The following FBXO34 variants were observed in gnomAD, a reference collection of about 807,000 sequenced individuals.
The protein encoded by FBXO34 is F-box protein 34, also known as F-box only protein 34.
FBXO34 carries 12 observed loss-of-function variants against 24.5 expected under a neutral mutation model. The ratio of observed to expected loss-of-function variants is 0.49; its 90% CI spans 0.31 to 0.79. The LOEUF is 0.79. Among genes scored for constraint, FBXO34 ranks in the 30% least tolerant of loss-of-function variants. The pLI is 0.04. For missense variants in FBXO34, 823 were observed against 857.7 expected, an observed-to-expected ratio of 0.96 and a Z score of 0.51; for synonymous variants, 320 against 311.9, an observed-to-expected ratio of 1.03 and a Z score of -0.27.
rs1884452889 is a variant in FBXO34 at position 55,353,209 on chromosome 14, T to C, written c.*683T>C. On this transcript the variant is annotated 3_prime_UTR_variant, in exon 2 of 2. Transcript: ENST00000313833. ...ACGATTAAAATCCAGTTGTATATAA[T>C]GGACAGCTAACGGAACAATATAATC... 6.0e-6 allele frequency: 1 copy of C among 167,024 alleles called. No individual in the cohort carries two copies. The highest frequency in any genetic ancestry group is 1.5e-5 in the Non-Finnish European group (1 of 68,102). The allele number at this position is 167,024 out of a possible 1,614,324, so 10.3% of individuals were successfully genotyped here. A position where few individuals can be genotyped will look rare whatever the true frequency, so the allele number is the denominator to read the frequency against.
chr14:55,300,349 T>TG (rs1882306825), intron 1 of FBXO34, among the ~76,000 whole-genome samples: 1 of 152,238 alleles, frequency 6.6e-6, no homozygotes, highest in East Asian at 1.9e-4. Flanking sequence ...TCCCAGCACT[T>TG]TAGGAGGCTG....
the FBXO34 span, among the ~76,000 whole-genome samples, chr14:55,406,830 T>G: frequency 6.6e-6 from 1 of 152,212 alleles, no homozygotes; most frequent in African/African-American, 2.4e-5. Context: ...ACCCTAAAAT[T>G]TCTTTTTTAT....
the FBXO34 span, among the ~76,000 whole-genome samples, chr14:55,426,908 G>A: frequency 6.6e-6 from 1 of 151,914 alleles, no homozygotes. Flanking sequence ...GAAGATGCTG[G>A]TGAAAAAGAA....
the FBXO34 span, among the ~76,000 whole-genome samples, chr14:55,401,616 T>C: frequency 6.6e-6 from 1 of 152,224 alleles, no homozygotes; most frequent in African/African-American, 2.4e-5. Context: ...CTTTGTTGTT[T>C]CATAAATTCT....
chr14:55,394,095 C>A, the FBXO34 span, among the ~76,000 whole-genome samples: 1 of 149,382 alleles, frequency 6.7e-6, no homozygotes, highest in South Asian at 2.1e-4. Flanking sequence ...TGATCTCTGT[C>A]TCCTGGGTTC....
chr14:55,359,648 T>G (rs956922513), intron 3 of FBXO34, among the ~76,000 whole-genome samples: 1 of 152,204 alleles, frequency 6.6e-6, no homozygotes, highest in Non-Finnish European at 1.5e-5. Flanking sequence ...CAATGAAGTT[T>G]GCTGTATCGA....
chr14:55,301,094 C>A (rs1882337631), intron 1 of FBXO34, among the ~76,000 whole-genome samples: 2 of 152,154 alleles, frequency 1.3e-5, no homozygotes, highest in East Asian at 3.9e-4. Context: ...CAGTGGACTA[C>A]TTTTCATAGA....
downstream of FBXO34, among the ~76,000 whole-genome samples, chr14:55,364,984 G>T (rs954911477): frequency 6.6e-6 from 1 of 150,492 alleles, no homozygotes; most frequent in East Asian, 2.0e-4. Flanking sequence ...TCTTTGGGAG[G>T]CCGAGGCGAG....
chr14:55,417,826 A>G, the FBXO34 span, among the ~76,000 whole-genome samples: 9 of 152,324 alleles, frequency 5.9e-5, no homozygotes, highest in East Asian at 1.5e-3. Context: ...TTGGTGACTA[A>G]GGTGAAAATT....
chr14:55,437,442 C>T, the FBXO34 span, among the ~76,000 whole-genome samples: 3 of 152,256 alleles, frequency 2.0e-5, no homozygotes, highest in African/African-American at 7.2e-5. Context: ...CATGCTACTG[C>T]ACTCCAGCCT....
At chr14:55,354,470 GATA>G (rs1192292064), downstream of FBXO34, 1 of 152,262 alleles carries the variant, frequency 6.6e-6, no homozygotes, top group Non-Finnish European at 1.5e-5. Context: ...CTGGACACTG[GATA>G]AACAACTCTC....
At chr14:55,402,558 A>G in the FBXO34 span, among the ~76,000 whole-genome samples, 3 of 152,108 alleles carry the variant, frequency 2.0e-5, no homozygotes, top group Non-Finnish European at 4.4e-5. Context: ...TATTGCCACA[A>G]AAGACATTAA....
chr14:55,395,094 T>C, the FBXO34 span: 4 of 503,914 alleles, frequency 7.9e-6, no homozygotes, highest in Admixed American at 6.4e-5. Context: ...CTTTTTTGTC[T>C]GAAGATTTAT....
chr14:55,338,028 G>A (rs547183655), intron 1 of FBXO34, among the ~76,000 whole-genome samples: 2 of 138,208 alleles, frequency 1.4e-5, no homozygotes, highest in African/African-American at 5.4e-5. Context: ...ATCTACAATT[G>A]GAGATAAGAG....
rs147930024 is a variant in FBXO34, at chr14:55,351,615, G to A, written c.1225G>A (p.Asp409Asn). 5.0e-6 allele frequency: 8 copies of A among 1,614,098 alleles called. No individual in the cohort carries two copies. The highest frequency in any genetic ancestry group is 6.8e-6 in the Non-Finnish European group (8 of 1,180,036). ...NSNRYDVEMT[D>N]ELVGLPFSSH... is the part of the protein sequence containing the mutation. ...CAACAGATATGATGTGGAAATGACA[G>A]ATGAACTCGTTGGGTTACCTTTTTC... The change falls in exon 2 of 2, where the codon GAT becomes AAT. Residue 409 changes from aspartate to asparagine, a missense_variant. Transcript: ENST00000313833.
chr14:55,348,960 G>C (rs1356267936), intron 1 of FBXO34, among the ~76,000 whole-genome samples: 5 of 152,156 alleles, frequency 3.3e-5, no homozygotes, highest in Non-Finnish European at 7.3e-5. Flanking sequence ...TATGTGTTCA[G>C]CTGCTGTCCC....
At chr14:55,298,427 A>G (rs954139183) in intron 1 of FBXO34, among the ~76,000 whole-genome samples, 2 of 151,862 alleles carry the variant, frequency 1.3e-5, no homozygotes, top group Admixed American at 6.6e-5. Flanking sequence ...CTTGAAATCT[A>G]TTTTACTGCT....
At chr14:55,278,024 A>G (rs946405540) in intron 1 of FBXO34, among the ~76,000 whole-genome samples, 4 of 152,178 alleles carry the variant, frequency 2.6e-5, no homozygotes, top group African/African-American at 4.8e-5. Flanking sequence ...CAAGGGGGCT[A>G]CTGCCACCGC....
intron 1 of FBXO34, among the ~76,000 whole-genome samples, chr14:55,347,513 G>A (rs915302546): frequency 6.6e-6 from 1 of 152,188 alleles, no homozygotes; most frequent in African/African-American, 2.4e-5. Flanking sequence ...CCTTCAACCA[G>A]TGAGGGATTG....
Sources: gnomAD v4.1 joint callset for allele counts (sites outside exome capture counted in the v4.1 genomes callset) on GRCh38, gnomAD v4.1.1 for gene constraint, MANE v1.5 for transcripts, NCBI Gene and HGNC (gene_info 2026-07-23, HGNC 2026-07-21) for gene names.